SGCZ: variants seen among roughly 807,000 people sequenced by gnomAD.
SGCZ encodes the protein sarcoglycan zeta.
In SGCZ, 40 loss-of-function variants were observed where a neutral mutation model predicts 41.3. That is an observed-to-expected ratio of 0.97 (90% CI 0.75 to 1.26). The LOEUF is 1.26. Among genes scored for constraint, SGCZ ranks in the 50% most tolerant of loss-of-function variants. SGCZ has a pLI of 0.00. For missense variants in SGCZ, 552 were observed against 369.8 expected (o/e 1.49, Z -4.04); for synonymous variants, 206 against 137.5 (o/e 1.50, Z -3.49).
chr8:14,501,327 C>T (rs1802146599), intron 2 of SGCZ, among the ~76,000 whole-genome samples: 1 of 152,000 alleles, frequency 6.6e-6, no homozygotes, highest in South Asian at 2.1e-4. Flanking sequence ...CCATCTGCAG[C>T]ATCATTTCCC....
intron 1 of SGCZ, among the ~76,000 whole-genome samples, chr8:15,093,754 T>C (rs1806235507): frequency 6.6e-6 from 1 of 152,204 alleles, no homozygotes; most frequent in South Asian, 2.1e-4. Context: ...TTTGACGAGT[T>C]CAGCACAATT....
At chr8:14,231,035 T>C (rs1469953692) in intron 4 of SGCZ, among the ~76,000 whole-genome samples, 3 of 152,106 alleles carry the variant, frequency 2.0e-5, no homozygotes, top group Non-Finnish European at 4.4e-5. Context: ...TGGAGTATAT[T>C]GCATGAATTA....
chr8:14,971,645 C>CTTTTTTTTTTTT (rs11456903), intron 1 of SGCZ, among the ~76,000 whole-genome samples: 1 of 114,682 alleles, frequency 8.7e-6, no homozygotes, highest in Non-Finnish European at 1.7e-5. Flanking sequence ...ATTTTATATA[C>CTTTTTTTTTTTT]TTTTTTTTTT....
intron 2 of SGCZ, among the ~76,000 whole-genome samples, chr8:14,382,190 G>A (rs1274581281): frequency 6.6e-6 from 1 of 152,128 alleles, no homozygotes; most frequent in Non-Finnish European, 1.5e-5. Flanking sequence ...CTGCCAAACT[G>A]ACAATGAAAT....
intron 1 of SGCZ, among the ~76,000 whole-genome samples, chr8:15,225,872 C>A (rs1354846859): frequency 6.6e-6 from 1 of 152,116 alleles, no homozygotes; most frequent in Non-Finnish European, 1.5e-5. Context: ...TTACGAAATA[C>A]CTCACTACCT....
intron 7 of SGCZ, among the ~76,000 whole-genome samples, chr8:14,095,896 T>C (rs973432017): frequency 6.6e-6 from 1 of 152,132 alleles, no homozygotes; most frequent in African/African-American, 2.4e-5. Context: ...ATGATTTGAC[T>C]CCCTGTTTGT....
chr8:15,040,245 C>A (rs1383377549), intron 1 of SGCZ, among the ~76,000 whole-genome samples: 1 of 152,180 alleles, frequency 6.6e-6, no homozygotes, highest in Non-Finnish European at 1.5e-5. Context: ...ACTCCCTTCT[C>A]CATGTTAACG....
chr8:15,237,546 C>T (rs745950583), intron 1 of SGCZ, 39 bp downstream of exon 1: 3 of 1,578,066 alleles, frequency 1.9e-6, no homozygotes, highest in Non-Finnish European at 2.6e-6. Context: ...CAGGGAGCGC[C>T]GAGAAGCGGC....
At chr8:14,134,189 C>A (rs964031887) in intron 5 of SGCZ, among the ~76,000 whole-genome samples, 2 of 152,132 alleles carry the variant, frequency 1.3e-5, no homozygotes, top group Non-Finnish European at 2.9e-5. Context: ...CAGGAGAAAA[C>A]TTCCATTTTC....
intron 1 of SGCZ, among the ~76,000 whole-genome samples, chr8:14,728,141 T>G (rs1810118789): frequency 6.6e-6 from 1 of 152,156 alleles, no homozygotes; most frequent in Non-Finnish European, 1.5e-5. Context: ...ATAAATATGT[T>G]CGAAACTTTG....
intron 5 of SGCZ, among the ~76,000 whole-genome samples, chr8:14,149,477 T>C (rs1169977383): frequency 6.6e-6 from 1 of 151,930 alleles, no homozygotes; most frequent in African/African-American, 2.4e-5. Flanking sequence ...GTGAAAAATG[T>C]CAGTGATGGA....
chr8:14,102,005 G>A (rs1212343055), intron 7 of SGCZ, among the ~76,000 whole-genome samples: 2 of 150,770 alleles, frequency 1.3e-5, no homozygotes, highest in Admixed American at 6.6e-5. Context: ...TGAATGGGTT[G>A]ACGACATTCT....
intron 1 of SGCZ, among the ~76,000 whole-genome samples, chr8:14,557,399 G>C (rs78281298): frequency 0.09 from 13,709 of 151,826 alleles, 854 homozygotes; most frequent in East Asian, 0.29. Flanking sequence ...CTTTCTGAGT[G>C]TTCCTTTTGT....
chr8:14,776,792 C>T (rs1800416984), intron 1 of SGCZ, among the ~76,000 whole-genome samples: 1 of 151,694 alleles, frequency 6.6e-6, no homozygotes, highest in South Asian at 2.1e-4. Flanking sequence ...GGCGCCCAGC[C>T]CAGACTAATA....
intron 1 of SGCZ, among the ~76,000 whole-genome samples, chr8:15,016,561 G>A (rs935971069): frequency 6.6e-6 from 1 of 152,178 alleles, no homozygotes; most frequent in Non-Finnish European, 1.5e-5. Context: ...TATCGCAGAC[G>A]CTCATTGAAT....
intron 2 of SGCZ, among the ~76,000 whole-genome samples, chr8:14,335,709 G>A (rs1362100900): frequency 6.6e-6 from 1 of 151,848 alleles, no homozygotes; most frequent in Non-Finnish European, 1.5e-5. Flanking sequence ...GACAAATCTT[G>A]CTGAAGATAT....
At chr8:14,150,906 G>A (rs559513952) in intron 5 of SGCZ, among the ~76,000 whole-genome samples, 46 of 152,232 alleles carry the variant, frequency 3.0e-4, no homozygotes, top group Non-Finnish European at 5.1e-4. Context: ...ACTGTGTTAA[G>A]TGAACTAAGC....
At chr8:14,840,322 A>G (rs1802858306) in intron 1 of SGCZ, among the ~76,000 whole-genome samples, 2 of 152,264 alleles carry the variant, frequency 1.3e-5, no homozygotes, top group South Asian at 4.1e-4. Context: ...TTATTCACAT[A>G]AGATTATAGT....
Position 14,240,352 on chromosome 8 carries a change from A to T in SGCZ, c.337-2673T>A, listed in dbSNP as rs901539807. The stretch of plus-strand genomic sequence containing the variant: ...CAAAAAAAAAAAAAAAAAAAAAAAA[A>T]AAAGAACTGAAAGTTTAAAAGTTTA... On this transcript the variant is annotated intron_variant, in intron 3 of 7. Transcript: ENST00000382080. 1.2e-3 allele frequency among the ~76,000 whole-genome samples: 116 copies of T among 99,848 alleles called. 1 individual carries two copies. Among genetic ancestry groups the T allele is most frequent in the African/African-American group, 3.6e-3 (106 of 29,822 alleles). 65.5% of individuals were successfully genotyped at this position (99,848 alleles called of 152,430 possible).
Sources: gnomAD v4.1 joint callset for allele counts (sites outside exome capture counted in the v4.1 genomes callset) on GRCh38, gnomAD v4.1.1 for gene constraint, MANE v1.5 for transcripts, NCBI Gene and HGNC (gene_info 2026-07-23, HGNC 2026-07-21) for gene names.